The following VIL1 variants were observed in gnomAD, a reference collection of about 807,000 sequenced individuals.
VIL1 encodes villin-1.
Under a neutral mutation model 104.0 loss-of-function variants are expected in VIL1, and 86 were observed. That is an observed-to-expected ratio of 0.83 (90% CI 0.69 to 0.99). VIL1 has a LOEUF of 0.99. Among genes scored for constraint, VIL1 ranks in the 50% least tolerant of loss-of-function variants. VIL1 has a pLI of 0.00. For missense variants in VIL1, 944 were observed against 1,054.1 expected (o/e 0.90, Z 1.45); for synonymous variants, 394 against 412.6 (o/e 0.95, Z 0.55).
chr2:218,436,175 G>T (rs1338927164), intron 15 of VIL1, among the ~76,000 whole-genome samples: 1 of 152,052 alleles, frequency 6.6e-6, no homozygotes, highest in Non-Finnish European at 1.5e-5. Context: ...TGATCTACTA[G>T]TCCCTAGTTC....
intron 19 of VIL1, among the ~76,000 whole-genome samples, chr2:218,446,015 C>G (rs1689358822): frequency 6.6e-5 from 10 of 152,122 alleles, no homozygotes. Context: ...GAAGCTGGTA[C>G]AAGTTGTTTA....
intron 12 of VIL1, chr2:218,432,588 G>A (rs1433670881): frequency 1.2e-6 from 1 of 830,326 alleles, no homozygotes; most frequent in Non-Finnish European, 2.0e-6. Context: ...GCTGGGTCTG[G>A]GAAAGAATTA....
Position 218,431,849 on chromosome 2 carries a change from C to A in VIL1, c.1103-8C>A. The A allele has an allele frequency of 6.2e-7, 1 of 1,611,254 alleles. No individual in the cohort carries two copies. The highest frequency in any genetic ancestry group is 8.5e-7 in the Non-Finnish European group (1 of 1,178,828). On this transcript the variant is annotated splice_polypyrimidine_tract_variant and splice_region_variant and intron_variant, in intron 10 of 19. Coordinates refer to ENST00000248444, the MANE Select transcript of VIL1 (RefSeq NM_007127.3). ...TGACAGTTGGTTTCATGATTTCCCCCACTCTAGCCAAAGTGGAACAGGTGA... is the reference window on the plus strand; with the variant it reads ...TGACAGTTGGTTTCATGATTTCCCCAACTCTAGCCAAAGTGGAACAGGTGA...
intron 12 of VIL1, chr2:218,432,562 G>A: frequency 1.4e-6 from 1 of 739,506 alleles, no homozygotes; most frequent in East Asian, 2.7e-5. Context: ...TGGGGTTGCA[G>A]GTAGGTCAGG....
At chr2:218,431,991 A>G (rs766205320) in intron 11 of VIL1, 34 bp downstream of exon 11, 2 of 1,613,956 alleles carry the variant, frequency 1.2e-6, no homozygotes, top group Non-Finnish European at 1.7e-6. Context: ...TGCTGGGTGG[A>G]GCAGGAATGG....
chr2:218,430,743 C>A lies in VIL1; in HGVS notation c.967C>A (p.Gln323Lys), dbSNP rs1689078852. ...SHALNFIKAK[Q>K]YPPSTQVEVQ... ...CTTCCAGAACTTCATCAAAGCCAAG[C>A]AGTACCCACCAAGCACACAGGTGGA... The change falls in exon 10 of 20, where the codon CAG becomes AAG. Residue 323 changes from glutamine (Q) to lysine (K), a missense_variant. By Grantham distance (53) the Gln-to-Lys change is moderately conservative. Coordinates refer to ENST00000248444, the MANE Select transcript of VIL1 (RefSeq NM_007127.3). 2 of 1,602,874 alleles carry A rather than the reference C, an allele frequency of 1.2e-6. No homozygotes were observed. The highest frequency in any genetic ancestry group is 1.7e-6 in the Non-Finnish European group (2 of 1,173,994).
chr2:218,420,578 G>GTTTTTTTTTTTTTTTT (rs71064448), intron 1 of VIL1, among the ~76,000 whole-genome samples: 2 of 131,264 alleles, frequency 1.5e-5, no homozygotes, highest in Non-Finnish European at 3.4e-5. Context: ...ATGAGTATTT[G>GTTTTTTTTTTTTTTTT]TTTTTTTTTT....
At chr2:218,442,484 T>A (rs576480760) in intron 19 of VIL1, among the ~76,000 whole-genome samples, 26 of 152,252 alleles carry the variant, frequency 1.7e-4, no homozygotes, top group Middle Eastern at 3.4e-3. Flanking sequence ...CACTTTTTTT[T>A]AAATTTTAGA....
intron 19 of VIL1, among the ~76,000 whole-genome samples, chr2:218,441,927 C>G (rs1390965134): frequency 6.6e-6 from 1 of 152,088 alleles, no homozygotes; most frequent in Non-Finnish European, 1.5e-5. Flanking sequence ...GTGGAGGTTG[C>G]AGTGAGCCGA....
rs1559146739 is a variant in VIL1 at position 218,429,445 on chromosome 2, CGGT to C, written c.734_736del (p.Val245del). 1.2e-6 allele frequency: 2 copies of C among 1,614,014 alleles called. No homozygotes were observed. The highest frequency in any genetic ancestry group is 1.7e-6 in the Non-Finnish European group (2 of 1,180,012). ...GAGCTGAAGGCGGCCGTGCCCGACA[CGGT>C]GGTGGAGCCGGCACTCAAGGCTGCA... On this transcript the variant is annotated inframe_deletion, in exon 7 of 20. Coordinates refer to ENST00000248444, the MANE Select transcript of VIL1 (RefSeq NM_007127.3).
At chr2:218,434,488 C>T in intron 13 of VIL1, 38 bp from the exon 14 acceptor site, 1 of 1,578,026 alleles carries the variant, frequency 6.3e-7, no homozygotes, top group Non-Finnish European at 8.6e-7. Context: ...CTAAGTGACT[C>T]CTGACTCTCT....
chr2:218,446,678 G>C (rs1689367539), intron 19 of VIL1, among the ~76,000 whole-genome samples: 2 of 151,420 alleles, frequency 1.3e-5, no homozygotes, highest in Non-Finnish European at 2.9e-5. Context: ...GGGCTTTATA[G>C]TATACCTGAA....
At chr2:218,424,662 T>A (rs1435528327) in intron 3 of VIL1, among the ~76,000 whole-genome samples, 3 of 149,434 alleles carry the variant, frequency 2.0e-5, no homozygotes, top group Non-Finnish European at 2.9e-5. Context: ...CTTCTTTTTT[T>A]AAAATTTTTT....
intron 14 of VIL1, 98 bp downstream of exon 14, chr2:218,434,803 A>G (rs1689160223): frequency 2.2e-6 from 3 of 1,346,174 alleles, no homozygotes; most frequent in South Asian, 1.4e-5. Flanking sequence ...CCCCTGGCCA[A>G]CTAAGTTGTG....
intron 10 of VIL1, 88 bp from the exon 11 acceptor site, chr2:218,431,769 A>G: frequency 1.8e-6 from 2 of 1,110,912 alleles, no homozygotes; most frequent in Non-Finnish European, 2.7e-6. Flanking sequence ...AAATGAGTCT[A>G]AGAATTGTAG....
At chr2:218,427,210 C>T (rs768557055) in intron 4 of VIL1, among the ~76,000 whole-genome samples, 4 of 152,202 alleles carry the variant, frequency 2.6e-5, no homozygotes, top group African/African-American at 4.8e-5. Context: ...TCTCTTCCCA[C>T]GCTATGGCAG....
Position 218,428,313 on chromosome 2 carries a change from A to G in VIL1, c.543A>G (p.Glu181=). 6.2e-7 allele frequency: 1 copy of G among 1,614,086 alleles called. No homozygotes were observed. The highest frequency in any genetic ancestry group is 8.5e-7 in the Non-Finnish European group (1 of 1,180,006). The part of the protein sequence containing the change: ...GKLIIQWNGP[E]STRMERLRGM... ...TTATCATCCAGTGGAATGGACCGGA[A>G]AGCACCCGTATGGAGAGACTCAGGG... The change falls in exon 6 of 20, where the codon GAA becomes GAG. Residue 181 remains glutamate, a synonymous_variant. Transcript: ENST00000248444.
In VIL1 at chr2:218,437,220, G is replaced by A; in HGVS notation, c.2068G>A (p.Asp690Asn). 1.2e-6 allele frequency: 2 copies of A among 1,614,240 alleles called. No individual in the cohort carries two copies. The highest frequency in any genetic ancestry group is 1.7e-6 in the Non-Finnish European group (2 of 1,180,038). The change falls in exon 17 of 20, where the codon GAC becomes AAC. Residue 690 changes from aspartate (D) to asparagine (N), a missense_variant. By Grantham distance (23) the Asp-to-Asn change is conservative. Transcript: ENST00000248444. The stretch of plus-strand genomic sequence containing the variant: ...CCTCAAGACCCATCCCAGCGGGCGT[G>A]ACCCTGAGACCCCCATCATTGTGGT... ...EYLKTHPSGR[D>N]PETPIIVVKQ... is the part of the protein sequence containing the mutation.
At chr2:218,437,067 G>T in intron 16 of VIL1, 57 bp from the exon 17 acceptor site, 1 of 1,574,316 alleles carries the variant, frequency 6.4e-7, no homozygotes. Context: ...CTGAGGCAGA[G>T]CCCTGTGGGC....
Sources: gnomAD v4.1 joint callset for allele counts (sites outside exome capture counted in the v4.1 genomes callset) on GRCh38, gnomAD v4.1.1 for gene constraint, MANE v1.5 for transcripts, NCBI Gene and HGNC (gene_info 2026-07-23, HGNC 2026-07-21) for gene names.